MAGI3: variants seen among roughly 807,000 people sequenced by gnomAD.
The protein encoded by MAGI3 is membrane associated guanylate kinase, WW and PDZ domain containing 3, also known as membrane-associated guanylate kinase, WW and PDZ domain-containing protein 3.
Under a neutral mutation model 121.8 loss-of-function variants are expected in MAGI3, and 43 were observed. That is an observed-to-expected ratio of 0.35 (90% CI 0.28 to 0.46). The LOEUF (loss-of-function observed/expected upper bound fraction) is 0.46, where lower values mean the gene tolerates loss of function less well. Among genes scored for constraint, MAGI3 ranks in the 20% least tolerant of loss-of-function variants. The pLI, the probability that MAGI3 is intolerant of heterozygous loss-of-function variation, is 1.00. For synonymous variants in MAGI3, 553 were observed against 639.3 expected, an observed-to-expected ratio of 0.86 and a Z score of 2.04; for missense variants, 1,547 against 1,797.3, an observed-to-expected ratio of 0.86 and a Z score of 2.52.
intron 6 of MAGI3, among the ~76,000 whole-genome samples, chr1:113,602,177 C>G (rs1191563061): frequency 1.3e-5 from 2 of 151,894 alleles, no homozygotes; most frequent in South Asian, 2.1e-4. Flanking sequence ...ACATATGTAA[C>G]TAACCTGCAC....
chr1:113,623,061 T>G, intron 9 of MAGI3, 67 bp downstream of exon 9: 2 of 974,634 alleles, frequency 2.1e-6, no homozygotes, highest in Non-Finnish European at 2.9e-6. Context: ...TGAAGAGATT[T>G]TATATACATA....
At chr1:113,556,552 ATTTTTTTTTTTT>A (rs569112647) in intron 2 of MAGI3, among the ~76,000 whole-genome samples, 1 of 117,594 alleles carries the variant, frequency 8.5e-6, no homozygotes, top group African/African-American at 3.0e-5. Flanking sequence ...TATGATAAAG[ATTTTTTTTTTTT>A]TTTTTTTTTT....
intron 1 of MAGI3, among the ~76,000 whole-genome samples, chr1:113,479,336 C>T (rs1031715937): frequency 6.6e-6 from 1 of 152,146 alleles, no homozygotes; most frequent in East Asian, 1.9e-4. Flanking sequence ...GCGTTGATCA[C>T]GTTGGGAGCT....
chr1:113,494,576 T>C (rs1656826966), intron 1 of MAGI3, among the ~76,000 whole-genome samples: 1 of 152,194 alleles, frequency 6.6e-6, no homozygotes, highest in African/African-American at 2.4e-5. Flanking sequence ...AGTTCCCACA[T>C]GCTAAATGAT....
At chr1:113,626,574 C>T (rs1308436349) in intron 9 of MAGI3, among the ~76,000 whole-genome samples, 2 of 152,076 alleles carry the variant, frequency 1.3e-5, no homozygotes, top group Admixed American at 1.3e-4. Flanking sequence ...GCAGTAAAGC[C>T]ATCAGATCCT....
chr1:113,465,433 G>A (rs936970377), intron 1 of MAGI3, among the ~76,000 whole-genome samples: 3 of 152,012 alleles, frequency 2.0e-5, no homozygotes, highest in Non-Finnish European at 1.5e-5. Flanking sequence ...AAGTCATGTA[G>A]TGTGACCCTT....
Position 113,391,440 on chromosome 1 carries a change from A to C in MAGI3, c.316+91A>C. 1 of 1,381,944 alleles carries C rather than the reference A, an allele frequency of 7.2e-7. No individual in the cohort carries two copies. The highest frequency in any genetic ancestry group is 1.0e-6 in the Non-Finnish European group (1 of 1,002,774). The allele number at this position is 1,381,944 out of a possible 1,614,324, so 85.6% of individuals were successfully genotyped here. On this transcript the variant is annotated intron_variant, in intron 1 of 20. Transcript: ENST00000307546. This position sits in a 1 kb window ranked among gnomAD's most constrained non-coding sequence, Gnocchi z 4.4. ...GAGCGGCGGCACCTCCCCACCGCGT[A>C]TTGTCCCGGGTAATCTTAGACCTCT...
chr1:113,658,486 G>C lies in MAGI3; in HGVS notation c.2630-594G>C, dbSNP rs546287186. On this transcript the variant is annotated intron_variant, in intron 15 of 20. Coordinates refer to ENST00000307546, the MANE Select transcript of MAGI3 (RefSeq NM_001142782.2). The surrounding 1 kb of genome is among the most constrained non-coding windows in gnomAD (Gnocchi z 4.0). ...TTTCAAATTTTAAAAAGAGCCAAAG[G>C]CATAAATAAGAGGAATTAATTTACA... Among the ~76,000 whole-genome samples, 6 of 152,256 alleles carry C rather than the reference G, an allele frequency of 3.9e-5. No homozygotes were observed. Among genetic ancestry groups the C allele is most frequent in the African/African-American group, 1.4e-4 (6 of 41,564 alleles).
chr1:113,430,143 G>A (rs1413810021), intron 1 of MAGI3, among the ~76,000 whole-genome samples: 2 of 152,148 alleles, frequency 1.3e-5, no homozygotes, highest in African/African-American at 4.8e-5. Context: ...GGGAAAAAAA[G>A]TGAATAAATA....
At chr1:113,610,437 T>C (rs1650048654) in intron 6 of MAGI3, among the ~76,000 whole-genome samples, 2 of 152,202 alleles carry the variant, frequency 1.3e-5, no homozygotes, top group South Asian at 2.1e-4. Flanking sequence ...GTCATAGCTT[T>C]AACTACAATG....
chr1:113,651,246 A>G, intron 14 of MAGI3, 40 bp downstream of exon 14: 1 of 1,552,232 alleles, frequency 6.4e-7, no homozygotes, highest in Non-Finnish European at 8.7e-7. Flanking sequence ...TTAAAAAAGA[A>G]ACAAAGATAC....
chr1:113,441,613 G>T (rs887356394), intron 1 of MAGI3, among the ~76,000 whole-genome samples: 5 of 152,150 alleles, frequency 3.3e-5, no homozygotes, highest in Admixed American at 2.0e-4. Context: ...CAAACATTCA[G>T]AGTAGAATAT....
chr1:113,576,274 C>T (rs1051273221), intron 2 of MAGI3, among the ~76,000 whole-genome samples: 7 of 152,194 alleles, frequency 4.6e-5, no homozygotes, highest in African/African-American at 1.4e-4. Flanking sequence ...CGCCTCGTTT[C>T]GTGCTTGAAA....
At chr1:113,615,379 A>G (rs763376719) in intron 7 of MAGI3, among the ~76,000 whole-genome samples, 2 of 152,210 alleles carry the variant, frequency 1.3e-5, no homozygotes, top group Admixed American at 6.5e-5. Context: ...AAATACTTCT[A>G]TCAGAAACAT....
Position 113,646,559 on chromosome 1 carries a change from C to T in MAGI3, c.2072C>T (p.Pro691Leu). 1 of 1,613,506 alleles carries T rather than the reference C, an allele frequency of 6.2e-7. No homozygotes were observed. Among genetic ancestry groups the T allele is most frequent in the Non-Finnish European group, 8.5e-7 (1 of 1,179,652 alleles). Reference protein sequence around the residue: ...NEPIPQPMPFPPSIIRSGSPK... With the variant: ...NEPIPQPMPFLPSIIRSGSPK... ...CCTATTCCTCAGCCTATGCCTTTTC[C>T]ACCGAGCATTATCAGGTCAGGATCC... Residue 691 changes from proline to leucine, a missense_variant, in exon 12 of 21, where the codon CCA (proline) becomes CTA (leucine). Pro to Leu is a moderately conservative substitution (Grantham distance 98). Coordinates refer to ENST00000307546, the MANE Select transcript of MAGI3 (RefSeq NM_001142782.2).
At chr1:113,525,613 ATTAT>A (rs1288164930) in intron 1 of MAGI3, among the ~76,000 whole-genome samples, 1 of 152,006 alleles carries the variant, frequency 6.6e-6, no homozygotes, top group Non-Finnish European at 1.5e-5. Flanking sequence ...GCTACATTTT[ATTAT>A]TTAATTATTT....
At chr1:113,603,956 C>T (rs575162204) in intron 6 of MAGI3, among the ~76,000 whole-genome samples, 19 of 152,224 alleles carry the variant, frequency 1.2e-4, no homozygotes, top group African/African-American at 4.3e-4. Context: ...CACCTTATTC[C>T]AGCCAGAGTA....
At chr1:113,679,917 C>T (rs1421936498) in intron 19 of MAGI3, among the ~76,000 whole-genome samples, 1 of 152,072 alleles carries the variant, frequency 6.6e-6, no homozygotes, top group African/African-American at 2.4e-5. Flanking sequence ...GTTGGTCAGG[C>T]TGGTCTCGAA....
At chr1:113,420,172 G>C (rs1252780203) in intron 1 of MAGI3, among the ~76,000 whole-genome samples, 1 of 152,168 alleles carries the variant, frequency 6.6e-6, no homozygotes, top group Non-Finnish European at 1.5e-5. Flanking sequence ...TTGAATAGAG[G>C]ATGAACAACC....
Sources: allele counts gnomAD v4.1 joint callset (sites outside exome capture counted in the v4.1 genomes callset), GRCh38; gene constraint gnomAD v4.1.1; non-coding constraint Gnocchi (gnomAD v3.1); transcripts MANE v1.5; gene names NCBI Gene and HGNC (gene_info 2026-07-23, HGNC 2026-07-21).